The following PDE3A variants were observed in gnomAD, a reference collection of about 807,000 sequenced individuals.
PDE3A encodes phosphodiesterase 3A.
A neutral mutation model predicts 98.3 loss-of-function variants in PDE3A; 43 were observed. That is an observed-to-expected ratio of 0.44 (90% CI 0.34 to 0.56). PDE3A has a LOEUF of 0.56. Ranked by LOEUF, PDE3A falls within the 20% of genes least tolerant of loss-of-function variation. The probability of loss-of-function intolerance (pLI) is 0.01; values close to 1 mark genes in which losing one functional copy is unlikely to be tolerated. For synonymous variants in PDE3A, 663 were observed against 567.9 expected (o/e 1.17, Z -2.38); for missense variants, 1,427 against 1,440.7 (o/e 0.99, Z 0.15).
intron 1 of PDE3A, among the ~76,000 whole-genome samples, chr12:20,438,325 G>T (rs1290180393): frequency 1.3e-5 from 2 of 152,156 alleles, no homozygotes; most frequent in Non-Finnish European, 2.9e-5. Flanking sequence ...CCTTAAAGAA[G>T]TCTGCTGTAT....
chr12:20,372,820 C>G lies in PDE3A; in HGVS notation c.960+2576C>G, dbSNP rs180947970. ...ATAGTCATTTAAGAACTTAAACGCA[C>G]AGTCTGTCAGAGTCCTCTTGAGAAT... On this transcript the variant is annotated intron_variant, in intron 1 of 15. Transcript: ENST00000359062. Among the ~76,000 whole-genome samples, 7 of 152,242 alleles carry G rather than the reference C, an allele frequency of 4.6e-5. No individual in the cohort carries two copies. In the East Asian group the frequency reaches 1.4e-3, roughly 29 times the overall value.
Position 20,685,949 on chromosome 12 carries a change from T to C in PDE3A, c.*5678T>C, listed in dbSNP as rs1207123648. Among the ~76,000 whole-genome samples, 1 of 152,176 alleles carries C rather than the reference T, an allele frequency of 6.6e-6. No homozygotes were observed. The highest frequency in any genetic ancestry group is 1.5e-5 in the Non-Finnish European group (1 of 68,010). On this transcript the variant is annotated 3_prime_UTR_variant, in exon 16 of 16. Transcript: ENST00000359062. The stretch of plus-strand genomic sequence containing the variant: ...AAGAATGTTTAAATTTGGTTTATTT[T>C]CTTGAAGCAAAGTTATTTAATTTTT...
chr12:20,601,468 T>C (rs1212194135), intron 2 of PDE3A, among the ~76,000 whole-genome samples: 1 of 152,152 alleles, frequency 6.6e-6, no homozygotes, highest in Non-Finnish European at 1.5e-5. Context: ...ATAAAACAAA[T>C]GGCAGTAAAG....
chr12:20,492,896 G>A (rs1036280612), intron 1 of PDE3A, among the ~76,000 whole-genome samples: 6 of 152,092 alleles, frequency 3.9e-5, no homozygotes, highest in Admixed American at 2.0e-4. Context: ...AGGGTGGGGT[G>A]GTGGTGGCGG....
At chr12:20,571,491 A>G (rs1262455338) in intron 2 of PDE3A, among the ~76,000 whole-genome samples, 1 of 152,114 alleles carries the variant, frequency 6.6e-6, no homozygotes, top group Non-Finnish European at 1.5e-5. Context: ...CTTTACATCT[A>G]CTTCTGTACT....
chr12:20,370,400 GTTTTTTTTGTTTT>G (rs1422349865), intron 1 of PDE3A, 156 bp downstream of exon 1: 3 of 359,858 alleles, frequency 8.3e-6, no homozygotes, highest in East Asian at 8.5e-5. Context: ...TTTTTTTTTT[GTTTTTTTTGTTTT>G]TTTTTTTTTG....
intron 1 of PDE3A, among the ~76,000 whole-genome samples, chr12:20,493,226 A>C (rs1415145540): frequency 6.6e-6 from 1 of 152,134 alleles, no homozygotes; most frequent in East Asian, 1.9e-4. Context: ...TTAGCAGTGT[A>C]TCTTGATCAC....
chr12:20,596,622 G>T (rs1331082186), intron 2 of PDE3A, among the ~76,000 whole-genome samples: 1 of 152,040 alleles, frequency 6.6e-6, no homozygotes, highest in East Asian at 1.9e-4. Context: ...TTTCCTTCCG[G>T]GGCAAACCAT....
intron 1 of PDE3A, among the ~76,000 whole-genome samples, chr12:20,373,293 G>A (rs1280001448): frequency 1.3e-5 from 2 of 152,018 alleles, no homozygotes; most frequent in Non-Finnish European, 2.9e-5. Context: ...TAAGGTGTGT[G>A]TATCTTTTCT....
chr12:20,654,660 C>CTTTTT (rs71442265), intron 15 of PDE3A, among the ~76,000 whole-genome samples: 34 of 85,840 alleles, frequency 4.0e-4, no homozygotes, highest in African/African-American at 1.0e-3. Context: ...CTACACCCGG[C>CTTTTT]TTTTTTTTTT....
intron 2 of PDE3A, among the ~76,000 whole-genome samples, chr12:20,575,136 T>G (rs563280197): frequency 6.6e-6 from 1 of 152,160 alleles, no homozygotes; most frequent in South Asian, 2.1e-4. Context: ...CACAAAGTAT[T>G]CCTTAGGAAT....
chr12:20,540,801 G>A (rs899419921), intron 1 of PDE3A, among the ~76,000 whole-genome samples: 5 of 151,996 alleles, frequency 3.3e-5, no homozygotes, highest in African/African-American at 1.2e-4. Flanking sequence ...GTGATAATGT[G>A]CAGATATTTT....
At chr12:20,458,752 G>A (rs912210242) in intron 1 of PDE3A, among the ~76,000 whole-genome samples, 19 of 152,088 alleles carry the variant, frequency 1.2e-4, no homozygotes, top group African/African-American at 4.1e-4. Flanking sequence ...AGAAACATAA[G>A]ATTCAGAAAC....
In PDE3A at chr12:20,637,422, G is replaced by A. The variant is rs186397398; in HGVS notation, c.2139+185G>A. Among the ~76,000 whole-genome samples the A allele has an allele frequency of 3.3e-4, 49 of 148,588 alleles. 2 individuals carry two copies. Among genetic ancestry groups the A allele is most frequent in the Admixed American group, 1.3e-3 (19 of 14,908 alleles). ...AAGAAACTGGAACTTCAAGTGAGTC[G>A]AGTGTCATATTCTACAATTAAAATA... On this transcript the variant is annotated intron_variant, in intron 9 of 15. Coordinates refer to ENST00000359062, the MANE Select transcript of PDE3A (RefSeq NM_000921.5).
intron 4 of PDE3A, among the ~76,000 whole-genome samples, chr12:20,620,017 T>A (rs1417063494): frequency 1.3e-5 from 2 of 152,096 alleles, no homozygotes; most frequent in East Asian, 3.8e-4. Context: ...ATTAGTACAA[T>A]TTTCTGAAAG....
At chr12:20,444,379 G>A (rs982326320) in intron 1 of PDE3A, among the ~76,000 whole-genome samples, 5 of 152,126 alleles carry the variant, frequency 3.3e-5, no homozygotes, top group Non-Finnish European at 7.3e-5. Context: ...ACAACAGAGA[G>A]CAATGTCTCT....
intron 12 of PDE3A, 89 bp downstream of exon 12, chr12:20,647,039 AATATAAGCCAAACTATAC>A (rs1293966613): frequency 1.8e-5 from 15 of 838,774 alleles, no homozygotes; most frequent in Non-Finnish European, 3.0e-5. Context: ...GCACCAAGTT[AATATAAGCCAAACTATAC>A]ATAGTCTTAC....
chr12:20,642,805 A>G (rs946736798), intron 10 of PDE3A, among the ~76,000 whole-genome samples: 1 of 152,198 alleles, frequency 6.6e-6, no homozygotes, highest in Non-Finnish European at 1.5e-5. Context: ...GAGGGGCAGA[A>G]CTACCAGAGT....
chr12:20,560,494 T>C (rs764129133), intron 2 of PDE3A, among the ~76,000 whole-genome samples: 2 of 152,156 alleles, frequency 1.3e-5, no homozygotes, highest in Non-Finnish European at 2.9e-5. Context: ...TAGTGAACTT[T>C]CAAAAAACAG....
Sources: gnomAD v4.1 joint callset for allele counts (sites outside exome capture counted in the v4.1 genomes callset) on GRCh38, gnomAD v4.1.1 for gene constraint, MANE v1.5 for transcripts, NCBI Gene and HGNC (gene_info 2026-07-23, HGNC 2026-07-21) for gene names.